The following ALKBH1 variants were observed in gnomAD, a reference collection of about 807,000 sequenced individuals.
ALKBH1 encodes alkB homolog 1, histone H2A dioxygenase.
Under a neutral mutation model 36.6 loss-of-function variants are expected in ALKBH1, and 31 were observed. The ratio of observed to expected loss-of-function variants is 0.85; its 90% confidence interval spans 0.64 to 1.14. The LOEUF (loss-of-function observed/expected upper bound fraction) is 1.14, where lower values mean the gene tolerates loss of function less well. ALKBH1 is among the 50% of genes most tolerant of loss of function. The pLI is 0.00. For missense variants in ALKBH1, 490 were observed against 497.3 expected (o/e 0.99, Z 0.14); for synonymous variants, 183 against 186.6 (o/e 0.98, Z 0.16).
At chr14:77,684,231 G>GTAA (rs2080255170) in intron 3 of ALKBH1, among the ~76,000 whole-genome samples, 3 of 152,180 alleles carry the variant, frequency 2.0e-5, no homozygotes, top group Admixed American at 2.0e-4. Flanking sequence ...TGCATTTCTA[G>GTAA]TAAGTTCCCA....
At chr14:77,683,466 A>C in intron 3 of ALKBH1, 1 of 731,880 alleles carries the variant, frequency 1.4e-6, no homozygotes, top group Non-Finnish European at 2.5e-6. Flanking sequence ...CAATGCTAAC[A>C]GCATGCTGGG....
intron 3 of ALKBH1, among the ~76,000 whole-genome samples, chr14:77,692,285 T>C (rs569854269): frequency 6.6e-6 from 1 of 152,314 alleles, no homozygotes; most frequent in African/African-American, 2.4e-5. Context: ...AGCTGGGATC[T>C]GAACACAGTC....
chr14:77,693,539 C>T (rs1045839489), intron 3 of ALKBH1, among the ~76,000 whole-genome samples: 10 of 152,186 alleles, frequency 6.6e-5, no homozygotes, highest in Admixed American at 1.3e-4. Context: ...GCTCTTGTCT[C>T]GCAGGACGAT....
Position 77,707,828 on chromosome 14 carries a change from G to A in ALKBH1, c.177C>T (p.Ala59=). 6.2e-7 allele frequency: 1 copy of A among 1,604,658 alleles called. No homozygotes were observed. The highest frequency in any genetic ancestry group is 8.5e-7 in the Non-Finnish European group (1 of 1,175,248). The stretch of plus-strand genomic sequence containing the variant: ...GCCACTCCTCTCTCTGTACCTTTTG[G>A]GCACCAGGACCCTTGCCACGGGCTG... ...AHAARGKGPG[A]QKVIKSQLNV... Residue 59 remains alanine (A), a synonymous_variant, in exon 1 of 6, where the codon GCC becomes GCT. Coordinates refer to ENST00000216489, the MANE Select transcript of ALKBH1 (RefSeq NM_006020.3).
intron 3 of ALKBH1, chr14:77,683,456 C>T (rs1442093489): frequency 9.5e-6 from 7 of 737,362 alleles, no homozygotes; most frequent in Non-Finnish European, 1.5e-5. Flanking sequence ...TTGTTCACAA[C>T]AATGCTAACA....
intron 3 of ALKBH1, among the ~76,000 whole-genome samples, chr14:77,691,427 C>T (rs2080296592): frequency 6.6e-6 from 1 of 152,172 alleles, no homozygotes; most frequent in Non-Finnish European, 1.5e-5. Flanking sequence ...AACAGACTCT[C>T]TCCTGTTCTG....
chr14:77,673,856 GGTCATCCA>G lies in ALKBH1; in HGVS notation c.1118_1125del (p.Leu373ProfsTer3), dbSNP rs1465735309. 1.1e-5 allele frequency: 18 copies of G among 1,614,158 alleles called. No homozygotes were observed. The highest frequency in any genetic ancestry group is 1.5e-5 in the Non-Finnish European group (18 of 1,180,036). On this transcript the variant is annotated frameshift_variant, in exon 6 of 6. Transcript: ENST00000216489. LOFTEE classifies it high-confidence loss of function. ...CTGGCCCGTTTTACTTCGCTATTCT[GGTCATCCA>G]GATGGCAGAAACCTTCTGTACTGAT...
chr14:77,687,594 C>G (rs1026182310), intron 3 of ALKBH1, among the ~76,000 whole-genome samples: 2 of 152,186 alleles, frequency 1.3e-5, no homozygotes, highest in Non-Finnish European at 2.9e-5. Context: ...TTTGTTTACA[C>G]CACTACTGAA....
Position 77,675,815 on chromosome 14 carries a change from G to A in ALKBH1, c.581C>T (p.Ser194Phe). 1 of 1,613,906 alleles carries A rather than the reference G, an allele frequency of 6.2e-7. No homozygotes were observed. The highest frequency in any genetic ancestry group is 1.1e-5 in the South Asian group (1 of 91,062). The change falls in exon 5 of 6, where the codon TCT (serine) becomes TTT (phenylalanine). Residue 194 changes from serine (S) to phenylalanine (F), a missense_variant. Ser to Phe is a radical substitution (Grantham distance 155). Transcript: ENST00000216489. ...YSADHYTPFP[S>F]DLGFLSEQVA... ...TTGCTCTGAGAGGAAACCCAGGTCA[G>A]AAGGGAAAGGTGTGTAATGATCTGC...
intron 3 of ALKBH1, among the ~76,000 whole-genome samples, chr14:77,685,502 C>G (rs1266647013): frequency 6.7e-6 from 1 of 149,140 alleles, no homozygotes; most frequent in Non-Finnish European, 1.5e-5. Flanking sequence ...TTGAGCTGGG[C>G]GTGGTGGCTC....
rs2080376870 is a variant in ALKBH1 at position 77,704,411 on chromosome 14, G to C, written c.250C>G (p.Pro84Ala). ...EQNAYRAGLQ[P>A]VSKWQAYGLK... ...CCATAGGCTTGCCACTTGCTGACGGGCTGAAGACCTGCTCTATATGCATTC... is the reference window on the plus strand; with the variant it reads ...CCATAGGCTTGCCACTTGCTGACGGCCTGAAGACCTGCTCTATATGCATTC... Residue 84 changes from proline (P) to alanine (A), a missense_variant, in exon 2 of 6, where the codon CCC becomes GCC. By Grantham distance (27) the Pro-to-Ala change is conservative. Coordinates refer to ENST00000216489, the MANE Select transcript of ALKBH1 (RefSeq NM_006020.3). 1 of 1,614,014 alleles carries C rather than the reference G, an allele frequency of 6.2e-7. No individual in the cohort carries two copies. The highest frequency in any genetic ancestry group is 1.7e-5 in the Admixed American group (1 of 59,976).
intron 3 of ALKBH1, among the ~76,000 whole-genome samples, chr14:77,682,103 T>A (rs2267763): frequency 2.0e-5 from 3 of 151,972 alleles, no homozygotes; most frequent in Admixed American, 2.0e-4. Context: ...AGGAGACAGA[T>A]AACTAATAAT....
chr14:77,675,377 T>C (rs1265803910), intron 5 of ALKBH1, among the ~76,000 whole-genome samples: 1 of 151,410 alleles, frequency 6.6e-6, no homozygotes, highest in Non-Finnish European at 1.5e-5. Flanking sequence ...GAGGTTGAAG[T>C]GAGCTGAGAT....
chr14:77,679,755 A>G (rs978678372), intron 4 of ALKBH1, 125 bp downstream of exon 4: 2 of 743,028 alleles, frequency 2.7e-6, no homozygotes, highest in Non-Finnish European at 2.2e-6. Context: ...TAAGGAAATA[A>G]AAGAAAGGGA....
intron 3 of ALKBH1, among the ~76,000 whole-genome samples, chr14:77,689,930 G>A (rs1265657786): frequency 1.3e-5 from 2 of 152,068 alleles, no homozygotes; most frequent in East Asian, 1.9e-4. Flanking sequence ...CTGAGGTGGG[G>A]CAACTGCTTC....
At chr14:77,707,801 G>A (rs1402282159) in intron 1 of ALKBH1, 21 bp downstream of exon 1, 1 of 1,568,254 alleles carries the variant, frequency 6.4e-7, no homozygotes, top group South Asian at 1.1e-5. Flanking sequence ...GGAGAGACGC[G>A]CGCCACTCCT....
chr14:77,700,918 T>A (rs139817956), intron 2 of ALKBH1, among the ~76,000 whole-genome samples: 1 of 151,892 alleles, frequency 6.6e-6, no homozygotes, highest in Non-Finnish European at 1.5e-5. Context: ...TGGGACCCCA[T>A]CTCTACAAAA....
chr14:77,694,625 G>T (rs1039199275), intron 3 of ALKBH1, 113 bp downstream of exon 3: 28 of 829,960 alleles, frequency 3.4e-5, no homozygotes, highest in Admixed American at 1.6e-4. Flanking sequence ...ACAATGAAGG[G>T]AAAAAAAAAC....
At chr14:77,699,430 T>C (rs1595058427) in intron 2 of ALKBH1, among the ~76,000 whole-genome samples, 3 of 152,260 alleles carry the variant, frequency 2.0e-5, no homozygotes, top group African/African-American at 7.2e-5. Flanking sequence ...AGTTTATTCC[T>C]AAGTCATTAA....
Sources: gnomAD v4.1 joint callset for allele counts (sites outside exome capture counted in the v4.1 genomes callset) on GRCh38, gnomAD v4.1.1 for gene constraint, MANE v1.5 for transcripts, NCBI Gene and HGNC (gene_info 2026-07-23, HGNC 2026-07-21) for gene names.